Variants in TTF2 observed in about 807,000 individuals in gnomAD.
The protein encoded by TTF2 is transcription termination factor 2.
A neutral mutation model predicts 142.4 loss-of-function variants in TTF2; 108 were observed. That is an observed-to-expected ratio of 0.76 (90% CI 0.65 to 0.89). The LOEUF is 0.89. Ranked by LOEUF, TTF2 falls within the 40% of genes least tolerant of loss-of-function variation. The probability of loss-of-function intolerance (pLI) is 0.00; values close to 1 mark genes in which losing one functional copy is unlikely to be tolerated. For synonymous variants in TTF2, 483 were observed against 506.2 expected, an observed-to-expected ratio of 0.95 and a Z score of 0.61; for missense variants, 1,327 against 1,379.8, an observed-to-expected ratio of 0.96 and a Z score of 0.61.
In TTF2 at chr1:117,102,510, C is replaced by T. The variant is rs865823803; in HGVS notation, c.*986C>T. Reference sequence around the variant, plus strand: ...CATTTAGTGTTGTATATCACTCAGTCATTTAATATTGGTTATCACCATACA... The same window carrying T: ...CATTTAGTGTTGTATATCACTCAGTTATTTAATATTGGTTATCACCATACA... On this transcript the variant is annotated 3_prime_UTR_variant, in exon 23 of 23. Transcript: ENST00000369466. 3 of 152,166 alleles carry T rather than the reference C, an allele frequency of 2.0e-5. No individual in the cohort carries two copies. The highest frequency in any genetic ancestry group is 4.4e-5 in the Non-Finnish European group (3 of 68,036). The allele number at this position is 152,166 out of a possible 1,614,324, so 9.4% of individuals were successfully genotyped here. A position where few individuals can be genotyped will look rare whatever the true frequency, so the allele number is the denominator to read the frequency against.
chr1:117,065,911 G>GGAGGACA (rs1656066552), intron 3 of TTF2, among the ~76,000 whole-genome samples: 2 of 151,074 alleles, frequency 1.3e-5, no homozygotes, highest in African/African-American at 4.9e-5. Flanking sequence ...GAAGAACTAT[G>GGAGGACA]GAGGACAGAT....
intron 10 of TTF2, among the ~76,000 whole-genome samples, 186 bp from the exon 11 acceptor site, chr1:117,083,832 C>T (rs1647761782): frequency 1.3e-5 from 2 of 152,138 alleles, no homozygotes; most frequent in African/African-American, 2.4e-5. Context: ...AGTTAAAGGC[C>T]GGTCAAACAC....
At chr1:117,071,078 A>G (rs1408586332) in intron 3 of TTF2, among the ~76,000 whole-genome samples, 1 of 152,240 alleles carries the variant, frequency 6.6e-6, no homozygotes, top group Non-Finnish European at 1.5e-5. Context: ...AGCAGCATAT[A>G]GATAACTAAT....
intron 2 of TTF2, 113 bp from the exon 3 acceptor site, chr1:117,062,274 G>A (rs1163874915): frequency 3.3e-6 from 3 of 908,752 alleles, no homozygotes; most frequent in Non-Finnish European, 5.1e-6. Flanking sequence ...TACAAACCCA[G>A]TAGAGGTTAT....
intron 18 of TTF2, among the ~76,000 whole-genome samples, chr1:117,095,073 TGAG>T (rs1648990101): frequency 6.6e-6 from 1 of 152,178 alleles, no homozygotes; most frequent in Non-Finnish European, 1.5e-5. Flanking sequence ...CAAGCTGCCT[TGAG>T]GAGCTTGGCC....
In TTF2 at chr1:117,104,458, A is replaced by AGGG. The variant is rs1219661233; in HGVS notation, c.*2935_*2937dup. 2.6e-5 allele frequency: 4 copies of AGGG among 152,186 alleles called. No homozygotes were observed. Among genetic ancestry groups the AGGG allele is most frequent in the African/African-American group, 9.7e-5 (4 of 41,440 alleles). The allele number at this position is 152,186 out of a possible 1,614,324, so 9.4% of individuals were successfully genotyped here. ...AAGCATTCTGGCTTTTAGTTTGGAG[A>AGGG]GGGATGCAGGGATTGTAACTTAAAA... On this transcript the variant is annotated 3_prime_UTR_variant, in exon 23 of 23. Transcript: ENST00000369466.
Position 117,088,882 on chromosome 1 carries a change from C to T in TTF2, c.2242C>T (p.Gln748Ter), listed in dbSNP as rs1648281967. Reference sequence around the variant, plus strand: ...TCACAATGTTAAGAATCCCCGAGTGCAGACTTCCATAGCTGTGTGTAAGCT... The same window carrying T: ...TCACAATGTTAAGAATCCCCGAGTGTAGACTTCCATAGCTGTGTGTAAGCT... ...EAHNVKNPRVQTSIAVCKLQA... is the reference protein window; with the variant it reads ...EAHNVKNPRV The change falls in exon 13 of 23, where the codon CAG becomes TAG. Residue 748 changes from glutamine (Q) to a stop codon, truncating the protein, a stop_gained. Transcript: ENST00000369466. LOFTEE classifies it high-confidence loss of function. 2.5e-6 allele frequency: 4 copies of T among 1,614,220 alleles called. No individual in the cohort carries two copies. Among genetic ancestry groups the T allele is most frequent in the Non-Finnish European group, 3.4e-6 (4 of 1,180,026 alleles).
Position 117,073,769 on chromosome 1 carries a change from CTT to C in TTF2, c.285+45_285+46del. ...TGTTTTCAAACCTGCTGTGTTAAGA[CTT>C]TTAATATGCAGCATCACCTGAAAAT... On this transcript the variant is annotated intron_variant, in intron 4 of 22. Transcript: ENST00000369466. This position sits in a 1 kb window ranked among gnomAD's most constrained non-coding sequence, Gnocchi z 4.4. 3 of 1,570,654 alleles carry C rather than the reference CTT, an allele frequency of 1.9e-6. No homozygotes were observed. The highest frequency in any genetic ancestry group is 2.6e-6 in the Non-Finnish European group (3 of 1,144,002).
Position 117,076,727 on chromosome 1 carries a change from C to T in TTF2, c.1477C>T (p.Gln493Ter). ...TTGPPHLVPP[Q>*]PLPRRGTQPV... ...TGGCCCTCCCCACCTGGTGCCTCCC[C>T]AACCCCTTCCTCGTCGTGGTACCCA... The change falls in exon 7 of 23, where the codon CAA becomes TAA. Residue 493 changes from glutamine (Q) to a stop codon, truncating the protein, a stop_gained. Transcript: ENST00000369466. LOFTEE classifies it high-confidence loss of function. This position sits in a 1 kb window ranked among gnomAD's most constrained non-coding sequence, Gnocchi z 4.6. 1 of 1,614,186 alleles carries T rather than the reference C, an allele frequency of 6.2e-7. No homozygotes were observed. The highest frequency in any genetic ancestry group is 2.2e-5 in the East Asian group (1 of 44,878).
In TTF2 at chr1:117,080,276, T is replaced by G. The variant is rs1006013530; in HGVS notation, c.1783+627T>G. On this transcript the variant is annotated intron_variant, in intron 9 of 22. Coordinates refer to ENST00000369466, the MANE Select transcript of TTF2 (RefSeq NM_003594.4). This position sits in a 1 kb window ranked among gnomAD's most constrained non-coding sequence, Gnocchi z 4.3. ...TCCACCTGCCTTGGCCTTCCCAAAG[T>G]GCTGGGATTACAGGCATGAGCCACT... Among the ~76,000 whole-genome samples, 1 of 152,068 alleles carries G rather than the reference T, an allele frequency of 6.6e-6. No homozygotes were observed. The highest frequency in any genetic ancestry group is 2.4e-5 in the African/African-American group (1 of 41,394).
intron 10 of TTF2, among the ~76,000 whole-genome samples, chr1:117,083,617 T>C (rs1026686630): frequency 1.4e-4 from 21 of 152,324 alleles, no homozygotes; most frequent in African/African-American, 4.3e-4. Flanking sequence ...ACTGAGGTCA[T>C]GTGCCACCCA....
rs1199827823 is a variant in TTF2, at chr1:117,099,875, T to G, written c.3344+968T>G. ...TCCAGACTTTGCTAAATATAGTGAT[T>G]ATGATAGTCTTCCTATGCTCTCTTC... On this transcript the variant is annotated intron_variant, in intron 22 of 22. Coordinates refer to ENST00000369466, the MANE Select transcript of TTF2 (RefSeq NM_003594.4). The surrounding 1 kb of genome is among the most constrained non-coding windows in gnomAD (Gnocchi z 4.3). Among the ~76,000 whole-genome samples, 1 of 152,246 alleles carries G rather than the reference T, an allele frequency of 6.6e-6. No homozygotes were observed. Among genetic ancestry groups the G allele is most frequent in the African/African-American group, 2.4e-5 (1 of 41,474 alleles).
chr1:117,086,543 G>C lies in TTF2; in HGVS notation c.2160+21G>C. 7.0e-6 allele frequency: 11 copies of C among 1,581,694 alleles called. No homozygotes were observed. Among genetic ancestry groups the C allele is most frequent in the Non-Finnish European group, 9.5e-6 (11 of 1,151,834 alleles). Reference sequence around the variant, plus strand: ...TGGAGGTGAGGCTGGGGGGCAGCCAGGGAAGTGGAGTTGGAGCCACAGATG... The same window carrying C: ...TGGAGGTGAGGCTGGGGGGCAGCCACGGAAGTGGAGTTGGAGCCACAGATG... On this transcript the variant is annotated intron_variant, in intron 12 of 22. Transcript: ENST00000369466. This position sits in a 1 kb window ranked among gnomAD's most constrained non-coding sequence, Gnocchi z 4.2.
In TTF2 at chr1:117,092,060, CT is replaced by C; in HGVS notation, c.2805+111del. The C allele has an allele frequency of 8.1e-7, 1 of 1,231,232 alleles. No individual in the cohort carries two copies. The highest frequency in any genetic ancestry group is 1.1e-6 in the Non-Finnish European group (1 of 919,316). The allele number at this position is 1,231,232 out of a possible 1,614,324, so 76.3% of individuals were successfully genotyped here. On this transcript the variant is annotated intron_variant, in intron 17 of 22. Coordinates refer to ENST00000369466, the MANE Select transcript of TTF2 (RefSeq NM_003594.4). This position sits in a 1 kb window ranked among gnomAD's most constrained non-coding sequence, Gnocchi z 4.4. The stretch of plus-strand genomic sequence containing the variant: ...CCAGTCTGCTTGATCAAAGGAAATG[CT>C]GTTTCGGTTTTTCTATTTTTGTTTT...
chr1:117,069,223 A>C (rs759130042), intron 3 of TTF2, among the ~76,000 whole-genome samples: 1 of 152,180 alleles, frequency 6.6e-6, no homozygotes, highest in Non-Finnish European at 1.5e-5. Context: ...CATAATCCCT[A>C]AGGAGCCTTT....
In TTF2 at chr1:117,090,516, T is replaced by C. The variant is rs1470178488; in HGVS notation, c.2497-16T>C. 6 of 1,605,586 alleles carry C rather than the reference T, an allele frequency of 3.7e-6. No individual in the cohort carries two copies. The highest frequency in any genetic ancestry group is 5.1e-6 in the Non-Finnish European group (6 of 1,177,000). On this transcript the variant is annotated splice_polypyrimidine_tract_variant and intron_variant, in intron 14 of 22. Coordinates refer to ENST00000369466, the MANE Select transcript of TTF2 (RefSeq NM_003594.4). The surrounding 1 kb of genome is among the most constrained non-coding windows in gnomAD (Gnocchi z 4.8). ...TTTGTATAGCTTCATGCCAGCTTTT[T>C]TTTTTATTCTTCCAGGTGATACTGC...
At chr1:117,095,663 T>C (rs1649062696) in intron 19 of TTF2, among the ~76,000 whole-genome samples, 1 of 152,212 alleles carries the variant, frequency 6.6e-6, no homozygotes, top group Non-Finnish European at 1.5e-5. Context: ...TTAAGCTGAG[T>C]ACTTGGATAC....
rs745744702 is a variant in TTF2, at chr1:117,080,436, G to C, written c.1783+787G>C. ...TCCTGCAGAAAGGATTTCATAGGGA[G>C]TCTCTTTCTAAAGCTGCTTATACCT... On this transcript the variant is annotated intron_variant, in intron 9 of 22. Transcript: ENST00000369466. This position sits in a 1 kb window ranked among gnomAD's most constrained non-coding sequence, Gnocchi z 4.3. 1.3e-5 allele frequency among the ~76,000 whole-genome samples: 2 copies of C among 152,202 alleles called. No homozygotes were observed. Among genetic ancestry groups the C allele is most frequent in the Non-Finnish European group, 2.9e-5 (2 of 68,032 alleles).
intron 10 of TTF2, 33 bp downstream of exon 10, chr1:117,081,980 C>G: frequency 6.2e-7 from 1 of 1,613,476 alleles, no homozygotes; most frequent in Non-Finnish European, 8.5e-7. Context: ...CCTGCCATTC[C>G]CTACGTCATT....
Sources: gnomAD v4.1 joint callset for allele counts (sites outside exome capture counted in the v4.1 genomes callset) on GRCh38, gnomAD v4.1.1 for gene constraint, Gnocchi (gnomAD v3.1) non-coding constraint, MANE v1.5 for transcripts, NCBI Gene and HGNC (gene_info 2026-07-23, HGNC 2026-07-21) for gene names.